TIAM2: variants seen among roughly 807,000 people sequenced by gnomAD.
The protein encoded by TIAM2 is TIAM Rac1 associated GEF 2.
In TIAM2, 80 loss-of-function variants were observed where a neutral mutation model predicts 152.9. The observed-to-expected ratio is 0.52, with a 90% CI of 0.44 to 0.63. The LOEUF (loss-of-function observed/expected upper bound fraction) is 0.63, where lower values mean the gene tolerates loss of function less well. Among genes scored for constraint, TIAM2 ranks in the 30% least tolerant of loss-of-function variants. TIAM2 has a pLI of 0.00. For missense variants in TIAM2, 1,965 were observed against 2,120.1 expected (o/e 0.93, Z 1.44); for synonymous variants, 804 against 838.0 (o/e 0.96, Z 0.70).
chr6:155,141,749 C>G (rs1186212453), intron 5 of TIAM2, among the ~76,000 whole-genome samples: 1 of 152,114 alleles, frequency 6.6e-6, no homozygotes, highest in African/African-American at 2.4e-5. Flanking sequence ...GGGAGGAGTT[C>G]ATAAACTAAT....
intron 14 of TIAM2, among the ~76,000 whole-genome samples, chr6:155,188,867 A>G (rs1781118286): frequency 6.6e-6 from 1 of 151,446 alleles, no homozygotes; most frequent in Non-Finnish European, 1.5e-5. Flanking sequence ...TGTATTTAAT[A>G]GGGGACAAAA....
intron 20 of TIAM2, among the ~76,000 whole-genome samples, chr6:155,249,500 A>G (rs758927520): frequency 6.6e-6 from 1 of 152,222 alleles, no homozygotes; most frequent in African/African-American, 2.4e-5. Context: ...GGGATGGTTT[A>G]GTCTTTGAGT....
intron 14 of TIAM2, among the ~76,000 whole-genome samples, chr6:155,190,206 T>G (rs1316494628): frequency 6.6e-6 from 1 of 152,228 alleles, no homozygotes; most frequent in Non-Finnish European, 1.5e-5. Context: ...TGTGTGTGAC[T>G]TGAAAAGCTT....
chr6:155,158,768 G>A (rs953669743), intron 7 of TIAM2, among the ~76,000 whole-genome samples: 1 of 132,724 alleles, frequency 7.5e-6, no homozygotes, highest in East Asian at 2.2e-4. Flanking sequence ...CGTTGACCAG[G>A]CTGCAAGTGT....
chr6:155,240,148 T>G (rs1228101753), intron 15 of TIAM2, among the ~76,000 whole-genome samples: 1 of 152,202 alleles, frequency 6.6e-6, no homozygotes, highest in Non-Finnish European at 1.5e-5. Context: ...GGGGACTGGG[T>G]GGGCCTGTTG....
rs972383885 is a variant in TIAM2, at chr6:155,165,380, G to T, written c.2332G>T (p.Gly778Cys). 1.2e-6 allele frequency: 2 copies of T among 1,613,840 alleles called. No homozygotes were observed. Among genetic ancestry groups the T allele is most frequent in the Middle Eastern group, 1.7e-4 (1 of 6,060 alleles). The part of the protein sequence containing the change: ...LKGLDTLARK[G>C]KEKRPSITQV... Reference sequence around the variant, plus strand: ...AGGGCTGGACACACTGGCCAGAAAAGGCAAGGAGAAGAGACCTTCTATAAC... The same window carrying T: ...AGGGCTGGACACACTGGCCAGAAAATGCAAGGAGAAGAGACCTTCTATAAC... The change falls in exon 9 of 27, where the codon GGC (glycine) becomes TGC (cysteine). Residue 778 changes from glycine to cysteine, a missense_variant. Physicochemically the swap from Gly to Cys is radical, Grantham distance 159. Coordinates refer to ENST00000682666, the MANE Select transcript of TIAM2 (RefSeq NM_012454.4).
At position 155,024,815 on chromosome 6, in the gene TIAM2, C is replaced by T. The variant is rs765748156; in HGVS notation, c.-209+29323C>T. On this transcript the variant is annotated intron_variant, in intron 1 of 26. Coordinates refer to ENST00000682666, the MANE Select transcript of TIAM2 (RefSeq NM_012454.4). ...GACAGAGTGGGGAATGCAAATGTTTCGAAATTAGGATCACAGCTTTTATTT... is the reference window on the plus strand; with the variant it reads ...GACAGAGTGGGGAATGCAAATGTTTTGAAATTAGGATCACAGCTTTTATTT... Among the ~76,000 whole-genome samples, 5 of 152,072 alleles carry T rather than the reference C, an allele frequency of 3.3e-5. No individual in the cohort carries two copies. The East Asian group carries it at 5.8e-4, about 18-fold the overall frequency.
intron 14 of TIAM2, among the ~76,000 whole-genome samples, chr6:155,196,933 C>G (rs1157892137): frequency 6.6e-6 from 1 of 152,214 alleles, no homozygotes; most frequent in Admixed American, 6.5e-5. Flanking sequence ...GAAAATGTGA[C>G]AAAGTTCAAA....
chr6:155,107,084 T>C (rs528717272), intron 2 of TIAM2, among the ~76,000 whole-genome samples: 2 of 152,320 alleles, frequency 1.3e-5, no homozygotes, highest in East Asian at 3.9e-4. Context: ...GATGTGTATA[T>C]AGACTCTAGC....
rs534545543 is a variant in TIAM2 at position 155,243,841 on chromosome 6, C to T, written c.3349-170C>T. On this transcript the variant is annotated intron_variant, in intron 16 of 26. Transcript: ENST00000682666. The stretch of plus-strand genomic sequence containing the variant: ...CAGCCTGGGTGACAGAGCAAGACTC[C>T]GTCTCAAAAAAAAAAAAAAAAAAAA... Among the ~76,000 whole-genome samples the T allele has an allele frequency of 3.2e-3, 303 of 93,952 alleles. 1 individual carries two copies. Among genetic ancestry groups the T allele is most frequent in the African/African-American group, 0.014 (274 of 19,366 alleles). 61.6% of individuals were successfully genotyped at this position (93,952 alleles called of 152,430 possible). A position where few individuals can be genotyped will look rare whatever the true frequency, so the allele number is the denominator to read the frequency against.
At chr6:155,254,653 C>A in intron 26 of TIAM2, 80 bp downstream of exon 26, 1 of 1,527,146 alleles carries the variant, frequency 6.5e-7, no homozygotes, top group South Asian at 1.2e-5. Flanking sequence ...TGTAACATAG[C>A]TGTGACTTTT....
chr6:155,119,521 G>T (rs1430084467), intron 2 of TIAM2, among the ~76,000 whole-genome samples: 1 of 150,688 alleles, frequency 6.6e-6, no homozygotes, highest in Non-Finnish European at 1.5e-5. Context: ...TGTATTTTTG[G>T]TAGAGATGGG....
chr6:155,235,754 T>A (rs570063358), intron 15 of TIAM2, among the ~76,000 whole-genome samples: 22 of 152,380 alleles, frequency 1.4e-4, no homozygotes, highest in African/African-American at 4.8e-4. Flanking sequence ...AAATCTGCTA[T>A]GAAAAATCTC....
Position 155,164,509 on chromosome 6 carries a change from A to T in TIAM2, c.2123A>T (p.Asn708Ile), listed in dbSNP as rs745496212. Residue 708 changes from asparagine to isoleucine, a missense_variant, in exon 8 of 27, where the codon AAC becomes ATC. Transcript: ENST00000682666. ...AGCCTACAAGGTGGGGAGTTACCGA[A>T]CCCAAAGAGTCTCCTTGCAGCCGCC... ...LASLQGGELP[N>I]PKSLLAAASR... 1.2e-6 allele frequency: 2 copies of T among 1,614,106 alleles called. No homozygotes were observed. The highest frequency in any genetic ancestry group is 1.7e-6 in the Non-Finnish European group (2 of 1,180,022).
chr6:155,103,006 A>G (rs1391776284), intron 2 of TIAM2, among the ~76,000 whole-genome samples: 1 of 152,212 alleles, frequency 6.6e-6, no homozygotes, highest in African/African-American at 2.4e-5. Flanking sequence ...GGTAATTTAC[A>G]TTTTTCTCAG....
intron 15 of TIAM2, among the ~76,000 whole-genome samples, chr6:155,235,007 G>A (rs1007892196): frequency 1.7e-5 from 2 of 117,926 alleles, no homozygotes; most frequent in African/African-American, 2.6e-5. Flanking sequence ...AGCTAGAGAT[G>A]GAGCACAGCT....
chr6:155,222,747 T>A, intron 15 of TIAM2, among the ~76,000 whole-genome samples: 1 of 152,166 alleles, frequency 6.6e-6, no homozygotes, highest in East Asian at 1.9e-4. Context: ...TCTGACCAGC[T>A]GTCCTGCCCT....
intron 2 of TIAM2, among the ~76,000 whole-genome samples, chr6:155,114,115 G>A (rs1476873125): frequency 7.9e-6 from 1 of 126,542 alleles, no homozygotes; most frequent in Non-Finnish European, 1.6e-5. Flanking sequence ...GTGCAGTGGT[G>A]CCTTCTCAGC....
chr6:155,225,247 C>T (rs1335297090), intron 15 of TIAM2, among the ~76,000 whole-genome samples: 2 of 152,176 alleles, frequency 1.3e-5, no homozygotes, highest in African/African-American at 4.8e-5. Flanking sequence ...TGAGCCAATG[C>T]ACTCAGCTGG....
Sources: allele counts gnomAD v4.1 joint callset (sites outside exome capture counted in the v4.1 genomes callset), GRCh38; gene constraint gnomAD v4.1.1; transcripts MANE v1.5; gene names NCBI Gene and HGNC (gene_info 2026-07-23, HGNC 2026-07-21).